The following DLGAP3 variants were observed in gnomAD, a reference collection of about 807,000 sequenced individuals.
DLGAP3 encodes the protein disks large-associated protein 3.
A neutral mutation model predicts 81.2 loss-of-function variants in DLGAP3; 17 were observed. The ratio of observed to expected loss-of-function variants is 0.21; its 90% CI spans 0.14 to 0.31. The LOEUF is 0.31. DLGAP3 is among the 10% of genes least tolerant of loss of function. The pLI is 1.00. For synonymous variants in DLGAP3, 577 were observed against 587.4 expected (o/e 0.98, Z 0.26); for missense variants, 1,124 against 1,388.0 (o/e 0.81, Z 3.02).
chr1:34,899,686 A>G lies in DLGAP3; in HGVS notation c.1369T>C (p.Ser457Pro), dbSNP rs1330902197. The G allele has an allele frequency of 2.5e-6, 4 of 1,613,952 alleles. No individual in the cohort carries two copies. Among genetic ancestry groups the G allele is most frequent in the Non-Finnish European group, 3.4e-6 (4 of 1,179,980 alleles). ...PRSSIPGYSRSLTTGQLSDEL... is the reference protein window; with the variant it reads ...PRSSIPGYSRPLTTGQLSDEL... Reference sequence around the variant, plus strand: ...CTCCCTACCTGTCCAGTGGTGAGGGAACGGCTGTAGCCAGGGATGGAGCTC... The same window carrying G: ...CTCCCTACCTGTCCAGTGGTGAGGGGACGGCTGTAGCCAGGGATGGAGCTC... The change falls in exon 5 of 12, where the codon TCC becomes CCC. Residue 457 changes from serine to proline, a missense_variant. Ser to Pro is a moderately conservative substitution (Grantham distance 74). This residue lies in a region of DLGAP3 where 357 missense variants were observed against 408.8 expected (regional missense o/e 0.87). Transcript: ENST00000373347.
Position 34,904,829 on chromosome 1 carries a change from G to A in DLGAP3, c.555C>T (p.His185=), listed in dbSNP as rs1315666569. 2.5e-6 allele frequency: 4 copies of A among 1,610,070 alleles called. No homozygotes were observed. Among genetic ancestry groups the A allele is most frequent in the African/African-American group, 1.3e-5 (1 of 74,932 alleles). The change falls in exon 3 of 12, where the codon CAC becomes CAT. Residue 185 remains histidine (H), a synonymous_variant. Coordinates refer to ENST00000373347, the MANE Select transcript of DLGAP3 (RefSeq NM_001080418.3). The surrounding 1 kb of genome is among the most constrained non-coding windows in gnomAD (Gnocchi z 8.1). ...CCCGCTTCCCCGGCGCCTCCAGAGA[G>A]TGGGACTTGGCAAAGAGCTTCTGCA... ...HSVQKLFAKS[H]SLEAPGKRDY... is the part of the protein sequence containing the mutation.
intron 3 of DLGAP3, among the ~76,000 whole-genome samples, chr1:34,903,034 T>C (rs931715888): frequency 6.6e-6 from 1 of 152,196 alleles, no homozygotes; most frequent in African/African-American, 2.4e-5. Context: ...TGGGCCTTCA[T>C]GAGTTCTCCA....
rs1407475089 is a variant in DLGAP3, at chr1:34,885,651, A to G, written c.1741T>C (p.Ser581Pro). ...GCGGGGCCGTCCAGCCCGTCGGCGG[A>G]GCTGCAGCGCCGGGCGGGGCCCTCG... ...AAEGPARRCSSADGLDGPAMG... is the reference protein window; with the variant it reads ...AAEGPARRCSPADGLDGPAMG... Residue 581 changes from serine (S) to proline (P), a missense_variant, in exon 7 of 12, where the codon TCC (serine) becomes CCC (proline). This residue lies in a region of DLGAP3 where 379 missense variants were observed against 455.7 expected (regional missense o/e 0.83). Coordinates refer to ENST00000373347, the MANE Select transcript of DLGAP3 (RefSeq NM_001080418.3). 2 of 1,451,890 alleles carry G rather than the reference A, an allele frequency of 1.4e-6. No individual in the cohort carries two copies. The highest frequency in any genetic ancestry group is 2.7e-5 in the Admixed American group (1 of 36,880). 89.9% of individuals were successfully genotyped at this position (1,451,890 alleles called of 1,614,324 possible). A position where few individuals can be genotyped will look rare whatever the true frequency, so the allele number is the denominator to read the frequency against.
chr1:34,889,690 G>C (rs1264879626), intron 5 of DLGAP3, among the ~76,000 whole-genome samples: 1 of 152,192 alleles, frequency 6.6e-6, no homozygotes, highest in African/African-American at 2.4e-5. Flanking sequence ...ATTTAGTTTA[G>C]ATAACCTTTA....
chr1:34,895,782 TA>T lies in DLGAP3; in HGVS notation c.1386+3886del, dbSNP rs1639371084. The stretch of plus-strand genomic sequence containing the variant: ...AGGTTCATTAATAAACACATGCATT[TA>T]TGGTAAATTGGTTTTGAAAAAGGGG... On this transcript the variant is annotated intron_variant, in intron 5 of 11. Coordinates refer to ENST00000373347, the MANE Select transcript of DLGAP3 (RefSeq NM_001080418.3). The surrounding 1 kb of genome is among the most constrained non-coding windows in gnomAD (Gnocchi z 4.5). Among the ~76,000 whole-genome samples the T allele has an allele frequency of 6.6e-6, 1 of 152,148 alleles. No homozygotes were observed. Among genetic ancestry groups the T allele is most frequent in the Non-Finnish European group, 1.5e-5 (1 of 68,030 alleles).
intron 3 of DLGAP3, among the ~76,000 whole-genome samples, chr1:34,903,169 C>T (rs1429038818): frequency 6.6e-6 from 1 of 152,190 alleles, no homozygotes; most frequent in Non-Finnish European, 1.5e-5. Context: ...GTTTAGCCAG[C>T]ACTCAACAAC....
chr1:34,871,335 G>A (rs140697659), intron 8 of DLGAP3, among the ~76,000 whole-genome samples: 13 of 152,292 alleles, frequency 8.5e-5, no homozygotes, highest in Middle Eastern at 3.4e-3. Context: ...TCCTCTGCCT[G>A]AAATGGCCTT....
chr1:34,910,587 G>A (rs901627771), intron 1 of DLGAP3, among the ~76,000 whole-genome samples: 1 of 152,130 alleles, frequency 6.6e-6, no homozygotes, highest in Non-Finnish European at 1.5e-5. Context: ...TCAGTCCCAT[G>A]ATCCCTCACA....
At chr1:34,906,034 T>A (rs9793183) in intron 2 of DLGAP3, among the ~76,000 whole-genome samples, 2,828 of 36,672 alleles carry the variant, frequency 0.077, 253 homozygotes, top group Non-Finnish European at 0.086. Context: ...ATATATATAT[T>A]TGTTTGTTTT....
chr1:34,887,100 G>C (rs1485867539), intron 5 of DLGAP3, among the ~76,000 whole-genome samples: 4 of 151,810 alleles, frequency 2.6e-5, no homozygotes, highest in Non-Finnish European at 5.9e-5. Context: ...GACTACAGGT[G>C]CCTGCCACGA....
intron 1 of DLGAP3, among the ~76,000 whole-genome samples, chr1:34,918,528 G>C (rs1639753286): frequency 6.6e-6 from 1 of 152,210 alleles, no homozygotes; most frequent in Non-Finnish European, 1.5e-5. Flanking sequence ...TGGCTAATAG[G>C]CTGAGGATGG....
At chr1:34,928,534 T>C (rs1197325460) in intron 1 of DLGAP3, among the ~76,000 whole-genome samples, 1 of 151,856 alleles carries the variant, frequency 6.6e-6, no homozygotes, top group Non-Finnish European at 1.5e-5. Flanking sequence ...GCCACAAAGC[T>C]CTTGCCTGAA....
intron 3 of DLGAP3, among the ~76,000 whole-genome samples, chr1:34,901,445 C>T (rs1324341399): frequency 2.0e-5 from 3 of 152,110 alleles, no homozygotes; most frequent in Admixed American, 6.6e-5. Context: ...AACTCAGGCT[C>T]GGGAATTAGA....
chr1:34,866,252 C>T lies in DLGAP3; in HGVS notation c.2771G>A (p.Arg924Gln), dbSNP rs762256166. The T allele has an allele frequency of 1.9e-6, 3 of 1,563,548 alleles. No individual in the cohort carries two copies. The highest frequency in any genetic ancestry group is 3.7e-5 in the Admixed American group (2 of 54,214). Residue 924 changes from arginine (R) to glutamine (Q), a missense_variant, in exon 12 of 12, where the codon CGG (arginine) becomes CAG (glutamine). By Grantham distance (43) the Arg-to-Gln change is conservative (BLOSUM62 1). Coordinates refer to ENST00000373347, the MANE Select transcript of DLGAP3 (RefSeq NM_001080418.3). Reference protein sequence around the residue: ...PPIPKKPLRGRGVPVKERSLD... With the variant: ...PPIPKKPLRGQGVPVKERSLD... ...GGAGCGCTCCTTCACCGGCACGCCC[C>T]GGCCCCGCAGGGGCTTCTTTGGTAT... is the stretch of plus-strand genomic sequence containing the variant.
chr1:34,883,377 AT>A (rs1639172948), intron 8 of DLGAP3, among the ~76,000 whole-genome samples: 1 of 152,190 alleles, frequency 6.6e-6, no homozygotes, highest in Admixed American at 6.5e-5. Flanking sequence ...TCTTCCCAGG[AT>A]TCAAGGGTTA....
At chr1:34,903,820 T>C (rs1639500348) in intron 3 of DLGAP3, among the ~76,000 whole-genome samples, 1 of 152,200 alleles carries the variant, frequency 6.6e-6, no homozygotes, top group African/African-American at 2.4e-5. Flanking sequence ...CTGATCTTCA[T>C]ATTCAAACAT....
At chr1:34,907,021 C>G (rs1639566449) in intron 2 of DLGAP3, among the ~76,000 whole-genome samples, 1 of 152,128 alleles carries the variant, frequency 6.6e-6, no homozygotes, top group African/African-American at 2.4e-5. Context: ...CTCAAAGGCT[C>G]CAGACAGCAA....
At chr1:34,922,509 T>TA (rs1363195172) in intron 1 of DLGAP3, among the ~76,000 whole-genome samples, 1 of 152,130 alleles carries the variant, frequency 6.6e-6, no homozygotes, top group Non-Finnish European at 1.5e-5. Context: ...ACAAAGGCAT[T>TA]ACTGGATAAG....
intron 5 of DLGAP3, among the ~76,000 whole-genome samples, chr1:34,890,877 G>C (rs897185971): frequency 1.3e-5 from 2 of 152,208 alleles, no homozygotes; most frequent in African/African-American, 4.8e-5. Flanking sequence ...TACTACATTT[G>C]GGGATAACTT....
Sources: allele counts gnomAD v4.1 joint callset (sites outside exome capture counted in the v4.1 genomes callset), GRCh38; gene constraint gnomAD v4.1.1; regional missense constraint gnomAD v4.1.1; non-coding constraint Gnocchi (gnomAD v3.1); transcripts MANE v1.5; gene names NCBI Gene and HGNC (gene_info 2026-07-23, HGNC 2026-07-21).